The following CCDC190 variants were observed in gnomAD, a reference collection of about 807,000 sequenced individuals.
The protein encoded by CCDC190 is coiled-coil domain containing 190.
Under a neutral mutation model 13.1 loss-of-function variants are expected in CCDC190, and 10 were observed. The observed-to-expected ratio is 0.77, with a 90% confidence interval of 0.47 to 1.30. The LOEUF (loss-of-function observed/expected upper bound fraction) is 1.30, where lower values mean the gene tolerates loss of function less well. Ranked by LOEUF, CCDC190 falls within the 50% of genes most tolerant of loss-of-function variation. The probability of loss-of-function intolerance (pLI) is 0.00; values close to 1 mark genes in which losing one functional copy is unlikely to be tolerated. For missense variants in CCDC190, 375 were observed against 354.3 expected (o/e 1.06, Z -0.47); for synonymous variants, 136 against 127.2 (o/e 1.07, Z -0.47).
At chr1:162,858,291 C>A (rs1020527953) in intron 2 of CCDC190, among the ~76,000 whole-genome samples, 1 of 152,156 alleles carries the variant, frequency 6.6e-6, no homozygotes, top group Non-Finnish European at 1.5e-5. Context: ...TAGGGCCTGG[C>A]CTTTTGTACA....
chr1:162,862,713 T>C (rs1406065622), upstream of CCDC190, among the ~76,000 whole-genome samples: 4 of 152,234 alleles, frequency 2.6e-5, no homozygotes, highest in African/African-American at 2.4e-5. Context: ...ATCACAAATG[T>C]GGCAGTTATA....
In CCDC190 at chr1:162,859,619, A is replaced by G. The variant is rs1322926638; in HGVS notation, c.28T>C (p.Leu10=). The G allele has an allele frequency of 3.7e-6, 6 of 1,613,780 alleles. No individual in the cohort carries two copies. The highest frequency in any genetic ancestry group is 3.3e-5 in the Admixed American group (2 of 59,970). ...CTCTCCAAATCAAAATGCTTATACA[A>G]TTGTCCCCTGACCATGTGCCTCTCC... is the stretch of plus-strand genomic sequence containing the variant. The part of the protein sequence containing the change: MERHMVRGQ[L]YKHFDLERKN... Residue 10 remains leucine (L), a synonymous_variant, in exon 2 of 4, where the codon TTG becomes CTG. Transcript: ENST00000367912.
Position 162,853,012 on chromosome 1 carries a change from A to G in CCDC190, c.*1753T>C, listed in dbSNP as rs1280839522. On this transcript the variant is annotated 3_prime_UTR_variant, in exon 4 of 4. Coordinates refer to ENST00000367912, the MANE Select transcript of CCDC190 (RefSeq NM_001394065.1). ...GCCCAGGCATGGCTGGTGCAAATAA[A>G]TTAAGTTTTTGTGAATCAATCAGTT... 5 of 1,073,242 alleles carry G rather than the reference A, an allele frequency of 4.7e-6. No homozygotes were observed. The South Asian group carries it at 5.5e-5, about 12-fold the overall frequency. 66.5% of individuals were successfully genotyped at this position (1,073,242 alleles called of 1,614,324 possible).
At chr1:162,859,755 T>C in intron 1 of CCDC190, 97 bp from the exon 2 acceptor site, 1 of 961,200 alleles carries the variant, frequency 1.0e-6, no homozygotes, top group Non-Finnish European at 1.5e-6. Flanking sequence ...ACCTGTGTAT[T>C]TCTGAAACCA....
upstream of CCDC190, among the ~76,000 whole-genome samples, chr1:162,862,810 A>C (rs1650566419): frequency 6.6e-6 from 1 of 152,212 alleles, no homozygotes; most frequent in African/African-American, 2.4e-5. Flanking sequence ...GGAGGTATAT[A>C]AAAAGATCAT....
At chr1:162,858,888 G>A (rs1650402693) in intron 2 of CCDC190, among the ~76,000 whole-genome samples, 1 of 152,156 alleles carries the variant, frequency 6.6e-6, no homozygotes. Flanking sequence ...TTATGTTTTG[G>A]TACTATTCCA....
Position 162,853,173 on chromosome 1 carries a change from G to T in CCDC190, c.*1592C>A. ...GGCCAGAGGCTGGGCTGATGAAACT[G>T]ACTCTCAAATGTTTGATCTAAGTTT... On this transcript the variant is annotated 3_prime_UTR_variant, in exon 4 of 4. Transcript: ENST00000367912. 1 of 1,539,340 alleles carries T rather than the reference G, an allele frequency of 6.5e-7. No homozygotes were observed. The highest frequency in any genetic ancestry group is 1.2e-5 in the South Asian group (1 of 82,108).
At chr1:162,862,843 G>A (rs1650567785), upstream of CCDC190, among the ~76,000 whole-genome samples, 1 of 152,176 alleles carries the variant, frequency 6.6e-6, no homozygotes, top group African/African-American at 2.4e-5. Context: ...CCAAGGGTTG[G>A]AGAAGGAAGA....
At chr1:162,866,836 TG>T (rs1053134868) in intron 1 of CCDC190, among the ~76,000 whole-genome samples, 1 of 151,874 alleles carries the variant, frequency 6.6e-6, no homozygotes, top group East Asian at 1.9e-4. Flanking sequence ...TATAATTTAA[TG>T]GGGGGGAAAG....
rs755387372 is a variant in CCDC190, at chr1:162,855,182, A to C, written c.489T>G (p.Asn163Lys). ...TGCTGGGGTCTACGTCCTTAGATGG[A>C]TTCACAGAATCTTTCTCTTGGGCTT... ...QPQAQEKDSV[N>K]PSKDVDPSKG... Residue 163 changes from asparagine (N) to lysine (K), a missense_variant, in exon 4 of 4, where the codon AAT (asparagine) becomes AAG (lysine). Coordinates refer to ENST00000367912, the MANE Select transcript of CCDC190 (RefSeq NM_001394065.1). 4 of 1,613,814 alleles carry C rather than the reference A, an allele frequency of 2.5e-6. No homozygotes were observed. Among genetic ancestry groups the C allele is most frequent in the Non-Finnish European group, 3.4e-6 (4 of 1,179,890 alleles).
chr1:162,858,890 A>G (rs1650402889), intron 2 of CCDC190, among the ~76,000 whole-genome samples: 1 of 152,250 alleles, frequency 6.6e-6, no homozygotes, highest in African/African-American at 2.4e-5. Context: ...ATGTTTTGGT[A>G]CTATTCCAAG....
Position 162,853,881 on chromosome 1 carries a change from C to T in CCDC190, c.*884G>A, listed in dbSNP as rs763325342. ...CATTAGGTAGACAGTAAGTTTAAAA[C>T]GCATTAACAAAAAGCTATTATTTTC... On this transcript the variant is annotated 3_prime_UTR_variant, in exon 4 of 4. Coordinates refer to ENST00000367912, the MANE Select transcript of CCDC190 (RefSeq NM_001394065.1). Among the ~76,000 whole-genome samples the T allele has an allele frequency of 2.6e-5, 4 of 152,166 alleles. No individual in the cohort carries two copies. The highest frequency in any genetic ancestry group is 1.9e-4 in the East Asian group (1 of 5,198).
In CCDC190 at chr1:162,854,663, TTA is replaced by T; in HGVS notation, c.*100_*101del. ...AGTTTAAAATAAAATTGTAATTCAA[TTA>T]TGTTTGTTTGTTTTTCTCTGTATTG... is the stretch of plus-strand genomic sequence containing the variant. On this transcript the variant is annotated 3_prime_UTR_variant, in exon 4 of 4. Transcript: ENST00000367912. 1 of 1,450,260 alleles carries T rather than the reference TTA, an allele frequency of 6.9e-7. No individual in the cohort carries two copies. The highest frequency in any genetic ancestry group is 9.1e-7 in the Non-Finnish European group (1 of 1,103,218). 89.8% of individuals were successfully genotyped at this position (1,450,260 alleles called of 1,614,324 possible). A position where few individuals can be genotyped will look rare whatever the true frequency, so the allele number is the denominator to read the frequency against.
rs372873081 is a variant in CCDC190, at chr1:162,855,181, G to A, written c.490C>T (p.Pro164Ser). The change falls in exon 4 of 4, where the codon CCA (proline) becomes TCA (serine). Residue 164 changes from proline to serine, a missense_variant. Transcript: ENST00000367912. ...TTGCTGGGGTCTACGTCCTTAGATG[G>A]ATTCACAGAATCTTTCTCTTGGGCT... is the stretch of plus-strand genomic sequence containing the variant. ...PQAQEKDSVNPSKDVDPSKGI... is the reference protein window; with the variant it reads ...PQAQEKDSVNSSKDVDPSKGI... 7.4e-6 allele frequency: 12 copies of A among 1,613,810 alleles called. No individual in the cohort carries two copies. The African/African-American group carries it at 1.2e-4, about 16-fold the overall frequency.
At chr1:162,864,125 A>C (rs2102265378), upstream of CCDC190, among the ~76,000 whole-genome samples, 1 of 152,298 alleles carries the variant, frequency 6.6e-6, no homozygotes, top group Non-Finnish European at 1.5e-5. Flanking sequence ...TCTTAAAAAC[A>C]GCCAAATTTA....
At chr1:162,865,951 A>C (rs1305299425), upstream of CCDC190, among the ~76,000 whole-genome samples, 1 of 152,220 alleles carries the variant, frequency 6.6e-6, no homozygotes, top group Non-Finnish European at 1.5e-5. Context: ...GTCTTTATTC[A>C]CAGATGACAT....
rs761428829 is a variant in CCDC190 at position 162,854,143 on chromosome 1, G to A, written c.*622C>T. Reference sequence around the variant, plus strand: ...AAGTTTTTTAAATCCTTTGATTCTAGAAGATATGAGAGGGAAAAGATTGTC... The same window carrying A: ...AAGTTTTTTAAATCCTTTGATTCTAAAAGATATGAGAGGGAAAAGATTGTC... On this transcript the variant is annotated 3_prime_UTR_variant, in exon 4 of 4. Transcript: ENST00000367912. The A allele has an allele frequency of 1.2e-6, 1 of 827,020 alleles. No homozygotes were observed. Among genetic ancestry groups the A allele is most frequent in the Non-Finnish European group, 1.5e-6 (1 of 685,526 alleles). The allele number at this position is 827,020 out of a possible 1,614,324, so 51.2% of individuals were successfully genotyped here.
chr1:162,864,821 G>A (rs1225407819), upstream of CCDC190, among the ~76,000 whole-genome samples: 1 of 151,828 alleles, frequency 6.6e-6, no homozygotes, highest in Non-Finnish European at 1.5e-5. Flanking sequence ...CAGAAAAATA[G>A]GAAAGAGGAA....
At chr1:162,866,840 G>A (rs1019488985) in intron 1 of CCDC190, among the ~76,000 whole-genome samples, 3 of 151,932 alleles carry the variant, frequency 2.0e-5, no homozygotes, top group Admixed American at 6.6e-5. Context: ...ATTTAATGGG[G>A]GGGAAAGAAT....
Sources: allele counts gnomAD v4.1 joint callset (sites outside exome capture counted in the v4.1 genomes callset), GRCh38; gene constraint gnomAD v4.1.1; transcripts MANE v1.5; gene names NCBI Gene and HGNC (gene_info 2026-07-23, HGNC 2026-07-21).